ZPBP: variants seen among roughly 807,000 people sequenced by gnomAD.
ZPBP encodes the protein zona pellucida-binding protein 1.
Under a neutral mutation model 44.8 loss-of-function variants are expected in ZPBP, and 26 were observed. That is an observed-to-expected ratio of 0.58 (90% confidence interval 0.43 to 0.81). The LOEUF (loss-of-function observed/expected upper bound fraction) is 0.81, where lower values mean the gene tolerates loss of function less well. Among genes scored for constraint, ZPBP ranks in the 30% least tolerant of loss-of-function variants. The probability of loss-of-function intolerance (pLI) is 0.00; values close to 1 mark genes in which losing one functional copy is unlikely to be tolerated. For synonymous variants in ZPBP, 174 were observed against 153.2 expected (o/e 1.14, Z -1.00); for missense variants, 409 against 434.0 (o/e 0.94, Z 0.51).
chr7:49,876,431 G>T (rs1209021778), intron 2 of ZPBP, among the ~76,000 whole-genome samples: 3 of 152,070 alleles, frequency 2.0e-5, no homozygotes, highest in Non-Finnish European at 4.4e-5. Flanking sequence ...AACAGCACCT[G>T]TCTCCTAGAG....
intron 1 of ZPBP, among the ~76,000 whole-genome samples, chr7:49,905,864 T>C (rs1449665436): frequency 6.6e-6 from 1 of 152,142 alleles, no homozygotes; most frequent in Non-Finnish European, 1.5e-5. Flanking sequence ...AAAACCAAGA[T>C]GGCCATGAGA....
intron 1 of ZPBP, among the ~76,000 whole-genome samples, chr7:49,911,104 T>C (rs958983055): frequency 1.3e-5 from 2 of 152,194 alleles, no homozygotes; most frequent in Non-Finnish European, 2.9e-5. Context: ...TTTCTGTGAG[T>C]ATTTAGAATT....
chr7:50,086,413 T>C (rs757437661), intron 2 of ZPBP, among the ~76,000 whole-genome samples: 2 of 152,048 alleles, frequency 1.3e-5, no homozygotes, highest in Non-Finnish European at 2.9e-5. Flanking sequence ...TTGAACTTAC[T>C]GGATAAATAT....
intron 4 of ZPBP, among the ~76,000 whole-genome samples, chr7:50,049,108 T>A (rs1245985433): frequency 6.6e-6 from 1 of 152,008 alleles, no homozygotes. Flanking sequence ...CACAAACTAC[T>A]GAAACTGACT....
chr7:49,871,946 CACACACACA>C, intron 2 of ZPBP, among the ~76,000 whole-genome samples: 1 of 117,804 alleles, frequency 8.5e-6, no homozygotes, highest in African/African-American at 3.7e-5. Context: ...CACACACACA[CACACACACA>C]CACCGAGAAA....
intron 1 of ZPBP, among the ~76,000 whole-genome samples, chr7:49,930,364 G>C (rs1192656462): frequency 6.6e-6 from 1 of 152,186 alleles, no homozygotes; most frequent in Non-Finnish European, 1.5e-5. Context: ...GTACTAGTTA[G>C]AGTAACAGTA....
chr7:49,924,701 T>C (rs1260665106), intron 1 of ZPBP, among the ~76,000 whole-genome samples: 1 of 152,126 alleles, frequency 6.6e-6, no homozygotes, highest in South Asian at 2.1e-4. Flanking sequence ...TCTGGTTCTG[T>C]CAAGATAGAC....
intron 3 of ZPBP, among the ~76,000 whole-genome samples, chr7:50,065,058 C>T (rs1307021739): frequency 6.6e-6 from 1 of 152,224 alleles, no homozygotes; most frequent in Admixed American, 6.5e-5. Context: ...GCCATGGCTT[C>T]AGCCGGTCCC....
chr7:50,064,154 C>T (rs1395016011), intron 3 of ZPBP, among the ~76,000 whole-genome samples: 1 of 152,144 alleles, frequency 6.6e-6, no homozygotes, highest in East Asian at 1.9e-4. Flanking sequence ...GGAGACATCA[C>T]ACGTTGGTAG....
At chr7:49,859,788 GTGCACACACACACA>G (rs1295106656) in intron 2 of ZPBP, among the ~76,000 whole-genome samples, 5,787 of 148,512 alleles carry the variant, frequency 0.039, 281 homozygotes, top group South Asian at 0.12. Flanking sequence ...GTGCGCGTGC[GTGCACACACACACA>G]CACACACACA....
At chr7:49,948,183 T>G (rs571509200) in intron 7 of ZPBP, among the ~76,000 whole-genome samples, 36 of 152,302 alleles carry the variant, frequency 2.4e-4, no homozygotes, top group Non-Finnish European at 4.7e-4. Context: ...CACTTGTTGC[T>G]CTACTCCACA....
At chr7:49,998,195 C>A (rs550628412) in intron 6 of ZPBP, among the ~76,000 whole-genome samples, 1 of 152,204 alleles carries the variant, frequency 6.6e-6, no homozygotes, top group African/African-American at 2.4e-5. Flanking sequence ...GGATTACAGG[C>A]GTGAACCACC....
intron 1 of ZPBP, among the ~76,000 whole-genome samples, chr7:49,924,957 C>A (rs796769800): frequency 6.6e-6 from 1 of 152,182 alleles, no homozygotes; most frequent in Admixed American, 6.6e-5. Flanking sequence ...AAAGGATGAT[C>A]TAACAGCAAA....
intron 4 of ZPBP, among the ~76,000 whole-genome samples, chr7:50,048,166 T>C (rs1405882472): frequency 1.3e-5 from 2 of 151,846 alleles, no homozygotes; most frequent in African/African-American, 4.8e-5. Flanking sequence ...GAAAAGTTAC[T>C]AAAGAAAAAA....
At chr7:50,089,115 T>C (rs1045414869) in intron 2 of ZPBP, among the ~76,000 whole-genome samples, 10 of 152,088 alleles carry the variant, frequency 6.6e-5, no homozygotes, top group Non-Finnish European at 1.5e-4. Flanking sequence ...GTCTTTCTTT[T>C]TGGGGTGATG....
chr7:49,866,531 C>T (rs79185835), intron 2 of ZPBP, among the ~76,000 whole-genome samples: 127 of 152,250 alleles, frequency 8.3e-4, no homozygotes, highest in African/African-American at 2.9e-3. Context: ...GCAGGTCACA[C>T]GGGCAAGCCC....
At chr7:50,062,357 G>C (rs1017157662) in intron 3 of ZPBP, among the ~76,000 whole-genome samples, 1 of 152,084 alleles carries the variant, frequency 6.6e-6, no homozygotes, top group African/African-American at 2.4e-5. Flanking sequence ...ACAAGAGCTG[G>C]AACAGCCAAA....
rs371015031 is a variant in ZPBP at position 49,874,981 on chromosome 7, C to T, written n.510-24467G>A. On this transcript the variant is annotated intron_variant and non_coding_transcript_variant, in intron 2 of 2. Coordinates refer to the ZPBP transcript ENST00000465922. Reference sequence around the variant, plus strand: ...TGCAGAGGTGTCTTTGAAATAGTTTCATCGTTTCCAATGGATAAAAGAAAT... The same window carrying T: ...TGCAGAGGTGTCTTTGAAATAGTTTTATCGTTTCCAATGGATAAAAGAAAT... Among the ~76,000 whole-genome samples the T allele has an allele frequency of 9.9e-5, 15 of 152,068 alleles. No individual in the cohort carries two copies. In the East Asian group the frequency reaches 1.7e-3, roughly 18 times the overall value.
the ZPBP span, among the ~76,000 whole-genome samples, chr7:49,844,410 C>T: frequency 6.6e-6 from 1 of 152,224 alleles, no homozygotes; most frequent in African/African-American, 2.4e-5. Context: ...TTTGCCCTGG[C>T]AGAGTTAGAT....
Sources: allele counts gnomAD v4.1 joint callset (sites outside exome capture counted in the v4.1 genomes callset), GRCh38; gene constraint gnomAD v4.1.1; transcripts MANE v1.5; gene names NCBI Gene and HGNC (gene_info 2026-07-23, HGNC 2026-07-21).